Variants in SRP72 observed in about 807,000 individuals in gnomAD.
The protein encoded by SRP72 is signal recognition particle 72, also known as signal recognition particle subunit SRP72.
Under a neutral mutation model 96.3 loss-of-function variants are expected in SRP72, and 49 were observed. That is an observed-to-expected ratio of 0.51 (90% CI 0.40 to 0.65). The LOEUF is 0.65. Among genes scored for constraint, SRP72 ranks in the 30% least tolerant of loss-of-function variants. SRP72 has a pLI of 0.00. For missense variants in SRP72, 736 were observed against 793.3 expected (o/e 0.93, Z 0.87); for synonymous variants, 267 against 275.2 (o/e 0.97, Z 0.30).
chr4:56,471,727 C>G lies in SRP72; in HGVS notation c.238C>G (p.Leu80Val), dbSNP rs983379070. 6.2e-7 allele frequency: 1 copy of G among 1,611,624 alleles called. No individual in the cohort carries two copies. Among genetic ancestry groups the G allele is most frequent in the East Asian group, 2.2e-5 (1 of 44,766 alleles). The change falls in exon 3 of 19, where the codon CTC becomes GTC. Residue 80 changes from leucine to valine, a missense_variant. By Grantham distance (32) the Leu-to-Val change is conservative (BLOSUM62 1). This residue lies in a region of SRP72 where 329 missense variants were observed against 319.0 expected (regional missense o/e 1.03). Transcript: ENST00000642900. ...THTKVLANNS[L>V]SFEKAYCEYR... ...TTTTTTTTCCTTCTTCAGTAACTCT[C>G]TCTCCTTTGAAAAGGCATATTGCGA... is the stretch of plus-strand genomic sequence containing the variant.
At chr4:56,490,770 T>G (rs920007456) in intron 15 of SRP72, 125 bp downstream of exon 15, 1 of 757,238 alleles carries the variant, frequency 1.3e-6, no homozygotes, top group Non-Finnish European at 2.1e-6. Flanking sequence ...TTTTAACTAG[T>G]AAAACCAAAA....
intron 10 of SRP72, among the ~76,000 whole-genome samples, chr4:56,485,858 A>G (rs1365922077): frequency 6.6e-6 from 1 of 152,196 alleles, no homozygotes; most frequent in African/African-American, 2.4e-5. Flanking sequence ...TACTGAACAT[A>G]TACAAACTTT....
chr4:56,469,593 T>G, intron 1 of SRP72, 60 bp from the exon 2 acceptor site: 2 of 1,461,694 alleles, frequency 1.4e-6, no homozygotes. Flanking sequence ...TGGGAAAATT[T>G]AGTAAAAATG....
At chr4:56,500,464 G>T in intron 17 of SRP72, 72 bp from the exon 18 acceptor site, 1 of 1,464,762 alleles carries the variant, frequency 6.8e-7, no homozygotes, top group South Asian at 1.3e-5. Flanking sequence ...CCCAGGCTTA[G>T]AGACATCGTT....
chr4:56,489,540 G>C, intron 13 of SRP72, 57 bp downstream of exon 13: 1 of 1,109,390 alleles, frequency 9.0e-7, no homozygotes, highest in Non-Finnish European at 1.3e-6. Context: ...AATAAAGATG[G>C]AGTAGTGAAA....
At position 56,502,362 on chromosome 4, in the gene SRP72, T is replaced by C. The variant is rs1721289379; in HGVS notation, c.*501T>C. 1 of 152,224 alleles carries C rather than the reference T, an allele frequency of 6.6e-6. No homozygotes were observed. Among genetic ancestry groups the C allele is most frequent in the Non-Finnish European group, 1.5e-5 (1 of 68,256 alleles). The allele number at this position is 152,224 out of a possible 1,614,324, so 9.4% of individuals were successfully genotyped here. A position where few individuals can be genotyped will look rare whatever the true frequency, so the allele number is the denominator to read the frequency against. ...GGACCTTCTTAATACACTGATGTTC[T>C]TCACTAAATGGATGGCCACAAGAAA... On this transcript the variant is annotated 3_prime_UTR_variant, in exon 19 of 19. Coordinates refer to ENST00000642900, the MANE Select transcript of SRP72 (RefSeq NM_006947.4).
Position 56,487,994 on chromosome 4 carries a change from T to A in SRP72, c.1205T>A (p.Leu402Ter). The change falls in exon 12 of 19, where the codon TTA becomes TAA. Residue 402 changes from leucine to a stop codon, truncating the protein, a stop_gained. Transcript: ENST00000642900. LOFTEE classifies it high-confidence loss of function. ...CTAATATTGAGAAGCATAGAGGAGTTAAAGCATAAACCAGGCATGGTGAGT... is the reference window on the plus strand; with the variant it reads ...CTAATATTGAGAAGCATAGAGGAGTAAAAGCATAAACCAGGCATGGTGAGT... ...ACLILRSIEE[L>*]KHKPGMVSAL... 5 of 1,599,044 alleles carry A rather than the reference T, an allele frequency of 3.1e-6. No individual in the cohort carries two copies. The highest frequency in any genetic ancestry group is 4.3e-6 in the Non-Finnish European group (5 of 1,176,322).
At position 56,473,915 on chromosome 4, in the gene SRP72, T is replaced by C. The variant is rs114820550; in HGVS notation, c.355-139T>C. On this transcript the variant is annotated intron_variant, in intron 3 of 18. Coordinates refer to ENST00000642900, the MANE Select transcript of SRP72 (RefSeq NM_006947.4). ...ACTAGTACATGGAACTATTTAAAAA[T>C]TATAAAACATAAACAGTTGATTGTT... 3.6e-3 allele frequency: 2,829 copies of C among 783,348 alleles called. 40 individuals carry two copies. In the African/African-American group the frequency reaches 0.039, roughly 11 times the overall value. 48.5% of individuals were successfully genotyped at this position (783,348 alleles called of 1,614,324 possible). A position where few individuals can be genotyped will look rare whatever the true frequency, so the allele number is the denominator to read the frequency against.
intron 2 of SRP72, among the ~76,000 whole-genome samples, chr4:56,469,986 T>C (rs1719906187): frequency 3.3e-5 from 5 of 151,884 alleles, no homozygotes; most frequent in Admixed American, 2.6e-4. Context: ...TTTTTTTTTT[T>C]TTTAACCACT....
Position 56,471,790 on chromosome 4 carries a change from A to G in SRP72, c.301A>G (p.Ile101Val). 1 of 1,614,138 alleles carries G rather than the reference A, an allele frequency of 6.2e-7. No individual in the cohort carries two copies. Among genetic ancestry groups the G allele is most frequent in the South Asian group, 1.1e-5 (1 of 91,076 alleles). ...CAGAATTGAGAATGCCTTGAAGACA[A>G]TAGAAAGTGCCAACCAGCAGACAGA... ...LNRIENALKTIESANQQTDKL... is the reference protein window; with the variant it reads ...LNRIENALKTVESANQQTDKL... Residue 101 changes from isoleucine (I) to valine (V), a missense_variant, in exon 3 of 19, where the codon ATA (isoleucine) becomes GTA (valine). Ile to Val is a conservative substitution (Grantham distance 29, BLOSUM62 3). Around this residue, in one of 3 missense-constraint regions of SRP72, gnomAD observed 329 missense variants for 319.0 expected, o/e 1.03. Transcript: ENST00000642900.
At chr4:56,490,523 C>T (rs1240871491) in intron 14 of SRP72, 45 bp from the exon 15 acceptor site, 3 of 1,599,086 alleles carry the variant, frequency 1.9e-6, no homozygotes, top group East Asian at 4.5e-5. Flanking sequence ...ATTACTTTCT[C>T]CAGTTTTATA....
At chr4:56,482,733 T>C (rs1427349860) in intron 8 of SRP72, among the ~76,000 whole-genome samples, 2 of 152,196 alleles carry the variant, frequency 1.3e-5, no homozygotes, top group African/African-American at 4.8e-5. Context: ...GTAGTCCTAA[T>C]ACACTTCAAT....
chr4:56,483,185 C>A lies in SRP72; in HGVS notation c.872C>A (p.Ala291Glu), dbSNP rs758054768. 1.2e-6 allele frequency: 2 copies of A among 1,611,350 alleles called. No individual in the cohort carries two copies. Among genetic ancestry groups the A allele is most frequent in the Non-Finnish European group, 1.7e-6 (2 of 1,179,578 alleles). ...DSKKKVKLTN[A>E]EGVEFKLSKK... is the part of the protein sequence containing the mutation. ...AAGAAGAAAGTGAAATTAACCAATG[C>A]GGAAGGAGTAGAGTTTAAGCTTTCC... The change falls in exon 9 of 19, where the codon GCG (alanine) becomes GAG (glutamate). Residue 291 changes from alanine to glutamate, a missense_variant. Coordinates refer to ENST00000642900, the MANE Select transcript of SRP72 (RefSeq NM_006947.4).
At chr4:56,474,228 C>A in intron 4 of SRP72, 31 bp downstream of exon 4, 2 of 1,613,202 alleles carry the variant, frequency 1.2e-6, no homozygotes, top group South Asian at 2.2e-5. Flanking sequence ...CCCATACAGT[C>A]ATGAATTATT....
chr4:56,472,783 A>G (rs1578175710), intron 3 of SRP72, among the ~76,000 whole-genome samples: 1 of 152,216 alleles, frequency 6.6e-6, no homozygotes. Context: ...TTGTAGGTCT[A>G]TAAAAAACTT....
intron 10 of SRP72, 152 bp downstream of exon 10, chr4:56,485,016 G>T: frequency 1.1e-6 from 1 of 902,992 alleles, no homozygotes; most frequent in Non-Finnish European, 1.6e-6. Flanking sequence ...GTTAACTCTT[G>T]GGTTACAGAG....
At position 56,474,088 on chromosome 4, in the gene SRP72, C is replaced by T. The variant is rs1397002688; in HGVS notation, c.389C>T (p.Ala130Val). 1 of 1,614,026 alleles carries T rather than the reference C, an allele frequency of 6.2e-7. No individual in the cohort carries two copies. The highest frequency in any genetic ancestry group is 2.2e-5 in the East Asian group (1 of 44,874). Residue 130 changes from alanine (A) to valine (V), a missense_variant, in exon 4 of 19, where the codon GCA (alanine) becomes GTA (valine). By Grantham distance (64) the Ala-to-Val change is moderately conservative. Coordinates refer to ENST00000642900, the MANE Select transcript of SRP72 (RefSeq NM_006947.4). ...TTGGAACGCTATGATGAATGCTTAG[C>T]AGTGTATAGAGATCTCGTCCGAAAC... ...YRLERYDECL[A>V]VYRDLVRNSQ... is the part of the protein sequence containing the mutation.
At chr4:56,497,209 T>A (rs1453499819) in intron 17 of SRP72, among the ~76,000 whole-genome samples, 1 of 150,964 alleles carries the variant, frequency 6.6e-6, no homozygotes, top group Non-Finnish European at 1.5e-5. Context: ...ATTTTTTATT[T>A]TATTTTATTT....
rs1720900947 is a variant in SRP72 at position 56,491,418 on chromosome 4, T to C, written c.1503-13T>C. 3.7e-6 allele frequency: 6 copies of C among 1,611,854 alleles called. No individual in the cohort carries two copies. Among genetic ancestry groups the C allele is most frequent in the African/African-American group, 1.3e-5 (1 of 74,872 alleles). On this transcript the variant is annotated splice_polypyrimidine_tract_variant and intron_variant, in intron 15 of 18. Transcript: ENST00000642900. ...TGTGTATATTATGTTCCTGAACTCC[T>C]GTTCTATCACAGTCTTAGTAAACAC...
Sources: gnomAD v4.1 joint callset for allele counts (sites outside exome capture counted in the v4.1 genomes callset) on GRCh38, gnomAD v4.1.1 for gene constraint, gnomAD v4.1.1 regional missense constraint, MANE v1.5 for transcripts, NCBI Gene and HGNC (gene_info 2026-07-23, HGNC 2026-07-21) for gene names.